The following RPS6KA2 variants were observed in gnomAD, a reference collection of about 807,000 sequenced individuals.
RPS6KA2 encodes the protein ribosomal protein S6 kinase alpha-2.
Under a neutral mutation model 91.8 loss-of-function variants are expected in RPS6KA2, and 42 were observed. The observed-to-expected ratio is 0.46, with a 90% confidence interval of 0.36 to 0.59. RPS6KA2 has a LOEUF of 0.59. Among genes scored for constraint, RPS6KA2 ranks in the 20% least tolerant of loss-of-function variants. RPS6KA2 has a pLI of 0.00. For synonymous variants in RPS6KA2, 414 were observed against 393.6 expected, an observed-to-expected ratio of 1.05 and a Z score of -0.61; for missense variants, 798 against 978.5, an observed-to-expected ratio of 0.82 and a Z score of 2.46.
intron 2 of RPS6KA2, among the ~76,000 whole-genome samples, chr6:166,818,117 G>A (rs1779816978): frequency 6.6e-6 from 1 of 152,016 alleles, no homozygotes; most frequent in Admixed American, 6.5e-5. Flanking sequence ...TATTCTCCAT[G>A]ACAATAATAT....
rs773432032 is a variant in RPS6KA2 at position 166,423,243 on chromosome 6, G to A, written c.1743+13C>T. On this transcript the variant is annotated intron_variant, in intron 17 of 20. Coordinates refer to ENST00000265678, the MANE Select transcript of RPS6KA2 (RefSeq NM_021135.6). The surrounding 1 kb of genome is among the most constrained non-coding windows in gnomAD (Gnocchi z 4.8). ...GATAGAGAGGCCTGGGTCTGCAGTC[G>A]GGGAATGCTCACCTCCGGGGCCACG... 29 of 1,600,842 alleles carry A rather than the reference G, an allele frequency of 1.8e-5. No homozygotes were observed. The highest frequency in any genetic ancestry group is 1.3e-4 in the Admixed American group (8 of 59,656).
At position 166,494,769 on chromosome 6, in the gene RPS6KA2, C is replaced by T. The variant is rs915917547; in HGVS notation, c.747+3739G>A. ...GAGGGCACTTGTGGATGCTGCTCCT[C>T]GGGAAGAGATCCCAGCACACATCCA... On this transcript the variant is annotated intron_variant, in intron 8 of 20. Transcript: ENST00000265678. The surrounding 1 kb of genome is among the most constrained non-coding windows in gnomAD (Gnocchi z 5.1). 1.3e-5 allele frequency among the ~76,000 whole-genome samples: 2 copies of T among 152,178 alleles called. No homozygotes were observed. The highest frequency in any genetic ancestry group is 1.9e-4 in the East Asian group (1 of 5,200).
intron 2 of RPS6KA2, among the ~76,000 whole-genome samples, chr6:166,830,836 CTG>C (rs2128626359): frequency 6.6e-6 from 1 of 152,322 alleles, no homozygotes; most frequent in Non-Finnish European, 1.5e-5. Flanking sequence ...CGTCCTGGCA[CTG>C]TGTTGATTTT....
chr6:166,816,391 C>CAAAAAAAAA lies in RPS6KA2; in HGVS notation c.123+41800_123+41808dup, dbSNP rs61347721. Among the ~76,000 whole-genome samples the CAAAAAAAAA allele has an allele frequency of 1.4e-3, 173 of 120,044 alleles. 6 individuals are homozygous for CAAAAAAAAA. The highest frequency in any genetic ancestry group is 5.0e-3 in the African/African-American group (155 of 31,034). 78.8% of individuals were successfully genotyped at this position (120,044 alleles called of 152,430 possible). A position where few individuals can be genotyped will look rare whatever the true frequency, so the allele number is the denominator to read the frequency against. On this transcript the variant is annotated intron_variant, in intron 2 of 21. Transcript: ENST00000503859. ...TGAAACCCCGTCTCTACTAAAAATACAAAAAAAAAAAAAAATAGCTGGGTG... is the reference window on the plus strand; with the variant it reads ...TGAAACCCCGTCTCTACTAAAAATACAAAAAAAAAAAAAAAAAAAAAAAATAGCTGGGTG...
intron 2 of RPS6KA2, among the ~76,000 whole-genome samples, chr6:166,658,945 CG>C (rs1202526307): frequency 6.6e-6 from 1 of 152,090 alleles, no homozygotes; most frequent in East Asian, 1.9e-4. Context: ...CGCCCCGACA[CG>C]TGACTGAGTA....
intron 2 of RPS6KA2, among the ~76,000 whole-genome samples, chr6:166,719,823 C>T (rs1414646191): frequency 6.6e-6 from 1 of 152,200 alleles, no homozygotes; most frequent in African/African-American, 2.4e-5. Context: ...AAGCATCATC[C>T]TAGTTATGCT....
chr6:166,490,802 G>C lies in RPS6KA2; in HGVS notation c.748-61C>G, dbSNP rs1781563442. On this transcript the variant is annotated intron_variant, in intron 8 of 20. Transcript: ENST00000265678. This position sits in a 1 kb window ranked among gnomAD's most constrained non-coding sequence, Gnocchi z 4.2. ...TCCAGATGGACCCGGCTTCACGGCA[G>C]AGTACCCCAGCAGGGCAGCCTGCTA... 3.1e-6 allele frequency: 4 copies of C among 1,309,804 alleles called. No individual in the cohort carries two copies. Among genetic ancestry groups the C allele is most frequent in the Middle Eastern group, 3.6e-4 (2 of 5,528 alleles). 81.1% of individuals were successfully genotyped at this position (1,309,804 alleles called of 1,614,324 possible).
chr6:166,760,656 T>A (rs571065052), intron 2 of RPS6KA2, among the ~76,000 whole-genome samples: 11 of 152,352 alleles, frequency 7.2e-5, no homozygotes, highest in Non-Finnish European at 1.3e-4. Flanking sequence ...TTTGCTGGAA[T>A]CGCTTGAAAT....
chr6:166,565,487 G>A (rs927779358), intron 1 of RPS6KA2, among the ~76,000 whole-genome samples: 2 of 152,208 alleles, frequency 1.3e-5, no homozygotes, highest in African/African-American at 2.4e-5. Flanking sequence ...CCTGGGCCCC[G>A]GCTGCCTCTG....
At chr6:166,536,548 G>T (rs1186891080) in intron 2 of RPS6KA2, among the ~76,000 whole-genome samples, 5 of 152,146 alleles carry the variant, frequency 3.3e-5, no homozygotes, top group African/African-American at 9.7e-5. Flanking sequence ...ACCTTCCCTG[G>T]AAATGTCTGA....
In RPS6KA2 at chr6:166,687,193, G is replaced by A. The variant is rs1010080015; in HGVS notation, c.124-148409C>T. On this transcript the variant is annotated intron_variant, in intron 2 of 21. Transcript: ENST00000503859. ...TGATCATTGCAACAGCAGCCACCGCGGGCAGAGTTCCTCCTGCGTGCCAGG... is the reference window on the plus strand; with the variant it reads ...TGATCATTGCAACAGCAGCCACCGCAGGCAGAGTTCCTCCTGCGTGCCAGG... Among the ~76,000 whole-genome samples the A allele has an allele frequency of 5.9e-5, 9 of 152,186 alleles. No individual in the cohort carries two copies. In the South Asian group the frequency reaches 6.2e-4, roughly 11 times the overall value.
chr6:166,834,591 C>T (rs186856951), intron 2 of RPS6KA2, among the ~76,000 whole-genome samples: 3 of 152,302 alleles, frequency 2.0e-5, no homozygotes, highest in Admixed American at 6.5e-5. Flanking sequence ...CAAACCTGCA[C>T]GTGCAGCCCT....
At chr6:166,428,129 G>C (rs1013630291) in intron 16 of RPS6KA2, among the ~76,000 whole-genome samples, 3 of 151,970 alleles carry the variant, frequency 2.0e-5, no homozygotes, top group African/African-American at 7.3e-5. Flanking sequence ...GAACAGAACA[G>C]AGCCCTCAGA....
At chr6:166,831,509 C>T (rs1414685116) in intron 2 of RPS6KA2, among the ~76,000 whole-genome samples, 3 of 152,012 alleles carry the variant, frequency 2.0e-5, no homozygotes, top group African/African-American at 7.2e-5. Context: ...CCAAGACACT[C>T]TTGCCTTGTC....
At chr6:166,799,187 G>A (rs998690541) in intron 2 of RPS6KA2, among the ~76,000 whole-genome samples, 2 of 152,164 alleles carry the variant, frequency 1.3e-5, no homozygotes, top group African/African-American at 4.8e-5. Flanking sequence ...TCTCAGTGCC[G>A]AGCCTGTTTT....
chr6:166,690,387 C>G (rs1363906242), intron 2 of RPS6KA2, among the ~76,000 whole-genome samples: 1 of 152,142 alleles, frequency 6.6e-6, no homozygotes, highest in Non-Finnish European at 1.5e-5. Flanking sequence ...TACGGAAATA[C>G]AGACATGTCA....
chr6:166,613,235 A>G (rs912490902), intron 1 of RPS6KA2, among the ~76,000 whole-genome samples: 1 of 152,240 alleles, frequency 6.6e-6, no homozygotes, highest in East Asian at 1.9e-4. Context: ...CATTTCATAG[A>G]CCTGCTGATT....
intron 2 of RPS6KA2, among the ~76,000 whole-genome samples, chr6:166,834,576 T>C (rs1780272830): frequency 6.6e-6 from 1 of 152,210 alleles, no homozygotes; most frequent in Admixed American, 6.5e-5. Flanking sequence ...AGGTTACTTA[T>C]ATAACAAACC....
rs148050090 is a variant in RPS6KA2, at chr6:166,504,601, C to A, written c.471G>T (p.Thr157=). 2 of 1,609,826 alleles carry A rather than the reference C, an allele frequency of 1.2e-6. No individual in the cohort carries two copies. Among genetic ancestry groups the A allele is most frequent in the Non-Finnish European group, 1.7e-6 (2 of 1,177,846 alleles). Residue 157 remains threonine, a synonymous_variant, in exon 6 of 21, where the codon ACG becomes ACT. Transcript: ENST00000265678. ...CCAGGTAGAACTTGACATCCTCCTC[C>A]GTGAACATGACCTAGTAAGAAAAAA... ...FTRLSKEVMF[T]EEDVKFYLAE...
Sources: gnomAD v4.1 joint callset for allele counts (sites outside exome capture counted in the v4.1 genomes callset) on GRCh38, gnomAD v4.1.1 for gene constraint, Gnocchi (gnomAD v3.1) non-coding constraint, MANE v1.5 for transcripts, NCBI Gene and HGNC (gene_info 2026-07-23, HGNC 2026-07-21) for gene names.